TBX15: variants seen among roughly 807,000 people sequenced by gnomAD.
TBX15 encodes the protein T-box transcription factor 15, also known as T-box transcription factor TBX15.
TBX15 carries 18 observed loss-of-function variants against 53.9 expected under a neutral mutation model. That is an observed-to-expected ratio of 0.33 (90% CI 0.23 to 0.49). The LOEUF is 0.49. Among genes scored for constraint, TBX15 ranks in the 20% least tolerant of loss-of-function variants. The pLI, the probability that TBX15 is intolerant of heterozygous loss-of-function variation, is 0.98. For synonymous variants in TBX15, 295 were observed against 278.0 expected, an observed-to-expected ratio of 1.06 and a Z score of -0.61; for missense variants, 692 against 749.5, an observed-to-expected ratio of 0.92 and a Z score of 0.90.
At chr1:118,936,796 C>T (rs1655986699) in intron 1 of TBX15, among the ~76,000 whole-genome samples, 1 of 152,096 alleles carries the variant, frequency 6.6e-6, no homozygotes, top group South Asian at 2.1e-4. Context: ...ATTATTGATG[C>T]CAGAGTCCAG....
At chr1:118,935,457 T>C (rs533976693) in intron 1 of TBX15, among the ~76,000 whole-genome samples, 2 of 152,328 alleles carry the variant, frequency 1.3e-5, no homozygotes, top group Admixed American at 1.3e-4. Flanking sequence ...GCAGGATTTC[T>C]TGGCTATCAG....
At chr1:118,896,196 C>T (rs1330967429) in intron 7 of TBX15, among the ~76,000 whole-genome samples, 3 of 148,868 alleles carry the variant, frequency 2.0e-5, no homozygotes, top group East Asian at 4.1e-4. Flanking sequence ...CACTGGACAC[C>T]CCTGTACTAG....
At position 118,988,068 on chromosome 1, in the gene TBX15, T is replaced by G; in HGVS notation, c.-273A>C. On this transcript the variant is annotated 5_prime_UTR_variant, in exon 1 of 8. Coordinates refer to ENST00000369429, the MANE Select transcript of TBX15 (RefSeq NM_001330677.2). ...CGCTGCATGAGCGCCCGAGTCCTGC[T>G]TCCCACCCACCGGGGCAGGCGCTCA... 1 of 530,400 alleles carries G rather than the reference T, an allele frequency of 1.9e-6. No individual in the cohort carries two copies. 32.9% of individuals were successfully genotyped at this position (530,400 alleles called of 1,614,324 possible).
chr1:118,926,337 G>A (rs1445897293), intron 3 of TBX15, among the ~76,000 whole-genome samples, 173 bp downstream of exon 3: 2 of 152,192 alleles, frequency 1.3e-5, no homozygotes, highest in African/African-American at 4.8e-5. Context: ...GGGAATCCCA[G>A]GTCAAAGTTA....
At chr1:118,901,363 A>G (rs1183362154) in intron 6 of TBX15, 4 of 456,606 alleles carry the variant, frequency 8.8e-6, no homozygotes, top group Non-Finnish European at 1.8e-5. Context: ...TTAGCCATTC[A>G]TGGGGCACAG....
Position 118,884,765 on chromosome 1 carries a change from G to A in TBX15, c.1776C>T (p.Gly592=), listed in dbSNP as rs1037956589. 1 of 1,614,124 alleles carries A rather than the reference G, an allele frequency of 6.2e-7. No individual in the cohort carries two copies. Among genetic ancestry groups the A allele is most frequent in the Non-Finnish European group, 8.5e-7 (1 of 1,180,016 alleles). Residue 592 remains glycine (G), a synonymous_variant, in exon 8 of 8, where the codon GGC becomes GGT. Coordinates refer to ENST00000369429, the MANE Select transcript of TBX15 (RefSeq NM_001330677.2). ...CDGRQYGAVP[G]SSSQMSVHMV ...TGTGCACGGACATCTGGGAGGAGGAGCCTGGAACTGCCCCATACTGCCGGC... is the reference window on the plus strand; with the variant it reads ...TGTGCACGGACATCTGGGAGGAGGAACCTGGAACTGCCCCATACTGCCGGC...
rs150127044 is a variant in TBX15 at position 118,892,679 on chromosome 1, C to A, written c.1024+6349G>T. Among the ~76,000 whole-genome samples the A allele has an allele frequency of 6.9e-3, 1,043 of 152,262 alleles. 64 individuals carry two copies. Among genetic ancestry groups the A allele is most frequent in the Admixed American group, 0.063 (960 of 15,292 alleles). Reference sequence around the variant, plus strand: ...AGTAATACTCATGTTTTTTCTCCTACTGGGTTTATTTCTTTCAAAGTGTAT... The same window carrying A: ...AGTAATACTCATGTTTTTTCTCCTAATGGGTTTATTTCTTTCAAAGTGTAT... On this transcript the variant is annotated intron_variant, in intron 7 of 7. Transcript: ENST00000369429.
intron 2 of TBX15, among the ~76,000 whole-genome samples, chr1:118,929,118 TCTAAACCCA>T (rs1318788249): frequency 6.6e-6 from 1 of 152,222 alleles, no homozygotes; most frequent in Non-Finnish European, 1.5e-5. Context: ...TCTTTTGTCT[TCTAAACCCA>T]TTAATCCTTG....
chr1:118,946,904 C>T (rs1159092840), intron 1 of TBX15, among the ~76,000 whole-genome samples: 1 of 152,148 alleles, frequency 6.6e-6, no homozygotes, highest in Non-Finnish European at 1.5e-5. Flanking sequence ...TCTCTTTTCC[C>T]CTATCTCCCA....
chr1:118,956,738 G>A (rs906845280), intron 1 of TBX15, among the ~76,000 whole-genome samples: 2 of 151,942 alleles, frequency 1.3e-5, no homozygotes, highest in Non-Finnish European at 2.9e-5. Context: ...AGATCACGAG[G>A]TCAGGAGATC....
chr1:118,981,083 G>A (rs746659498), intron 1 of TBX15, among the ~76,000 whole-genome samples: 4 of 152,020 alleles, frequency 2.6e-5, no homozygotes, highest in African/African-American at 7.2e-5. Flanking sequence ...CCCGCCCCCC[G>A]CCTCGGCCTC....
intron 1 of TBX15, among the ~76,000 whole-genome samples, chr1:118,933,020 C>T (rs144291636): frequency 6.6e-6 from 1 of 152,234 alleles, no homozygotes; most frequent in African/African-American, 2.4e-5. Context: ...TGTCAAGGGT[C>T]AGAGCTTCTT....
intron 5 of TBX15, among the ~76,000 whole-genome samples, chr1:118,919,768 C>T (rs1323830348): frequency 6.6e-6 from 1 of 152,076 alleles, no homozygotes; most frequent in Non-Finnish European, 1.5e-5. Context: ...ATTCTAATCC[C>T]CCTCCCATTA....
Position 118,884,577 on chromosome 1 carries a change from C to T in TBX15, c.*155G>A. ...ATCCTTCACTGGCTTAAAGGTATCT[C>T]TTGTTCTTGGGTATATGTCTTCGGC... On this transcript the variant is annotated 3_prime_UTR_variant, in exon 8 of 8. Coordinates refer to ENST00000369429, the MANE Select transcript of TBX15 (RefSeq NM_001330677.2). 2 of 899,174 alleles carry T rather than the reference C, an allele frequency of 2.2e-6. No homozygotes were observed. Among genetic ancestry groups the T allele is most frequent in the South Asian group, 3.6e-5 (2 of 56,302 alleles). 55.7% of individuals were successfully genotyped at this position (899,174 alleles called of 1,614,324 possible).
chr1:118,897,632 G>T (rs1286597085), intron 7 of TBX15, among the ~76,000 whole-genome samples: 1 of 152,138 alleles, frequency 6.6e-6, no homozygotes, highest in African/African-American at 2.4e-5. Context: ...ATACTGGCAT[G>T]CAGGAATAGA....
intron 5 of TBX15, among the ~76,000 whole-genome samples, chr1:118,917,110 T>C (rs979606420): frequency 2.0e-5 from 3 of 152,142 alleles, no homozygotes; most frequent in African/African-American, 7.2e-5. Context: ...TATAAAGATA[T>C]ATGCATGTGT....
At chr1:118,947,156 G>A (rs763690264) in intron 1 of TBX15, among the ~76,000 whole-genome samples, 10 of 152,204 alleles carry the variant, frequency 6.6e-5, no homozygotes, top group Non-Finnish European at 1.5e-4. Context: ...GCTGGACACA[G>A]TGAGTAAGTG....
intron 1 of TBX15, among the ~76,000 whole-genome samples, chr1:118,984,843 AC>A (rs1016606747): frequency 3.3e-5 from 5 of 152,156 alleles, no homozygotes; most frequent in African/African-American, 1.2e-4. Context: ...CGCAGGCCGG[AC>A]TGATCCCCCG....
At chr1:118,926,479 C>T in intron 3 of TBX15, 31 bp downstream of exon 3, 1 of 1,581,200 alleles carries the variant, frequency 6.3e-7, no homozygotes, top group Non-Finnish European at 8.7e-7. Context: ...CTGGTGATAC[C>T]CACATTTCCA....
Sources: allele counts gnomAD v4.1 joint callset (sites outside exome capture counted in the v4.1 genomes callset), GRCh38; gene constraint gnomAD v4.1.1; transcripts MANE v1.5; gene names NCBI Gene and HGNC (gene_info 2026-07-23, HGNC 2026-07-21).